Variants in LRBA observed in about 807,000 individuals in gnomAD.
LRBA encodes lipopolysaccharide-responsive and beige-like anchor protein.
LRBA carries 176 observed loss-of-function variants against 330.0 expected under a neutral mutation model. That is an observed-to-expected ratio of 0.53 (90% CI 0.47 to 0.60). LRBA has a LOEUF of 0.60. Ranked by LOEUF, LRBA falls within the 20% of genes least tolerant of loss-of-function variation. LRBA has a pLI of 0.00. For missense variants in LRBA, 3,259 were observed against 3,444.8 expected (o/e 0.95, Z 1.35); for synonymous variants, 1,230 against 1,193.0 (o/e 1.03, Z -0.64).
In LRBA at chr4:150,661,192, C is replaced by T. The variant is rs557262111; in HGVS notation, c.5921+22359G>A. On this transcript the variant is annotated intron_variant, in intron 37 of 56. Transcript: ENST00000651943. ...GACTATGTAAAAAGCAAACAGAGGC[C>T]AGGCATGGTGGCTCACACCTGTAAT... Among the ~76,000 whole-genome samples, 7 of 150,828 alleles carry T rather than the reference C, an allele frequency of 4.6e-5. No homozygotes were observed. In the East Asian group the frequency reaches 1.4e-3, roughly 30 times the overall value.
chr4:150,811,500 G>GT (rs1334105594), intron 31 of LRBA, among the ~76,000 whole-genome samples: 1 of 151,592 alleles, frequency 6.6e-6, no homozygotes, highest in Non-Finnish European at 1.5e-5. Context: ...GGTTTATTGG[G>GT]TTTTTTGTTT....
At chr4:150,731,329 T>C (rs963337013) in intron 36 of LRBA, among the ~76,000 whole-genome samples, 2 of 152,184 alleles carry the variant, frequency 1.3e-5, no homozygotes, top group African/African-American at 4.8e-5. Context: ...ATTGAAGATA[T>C]ATCTGTACTC....
chr4:150,780,818 G>A (rs1342182123), intron 34 of LRBA, among the ~76,000 whole-genome samples: 2 of 150,738 alleles, frequency 1.3e-5, no homozygotes, highest in Non-Finnish European at 3.0e-5. Context: ...AAGGGGGTGA[G>A]GGGGGGGAAT....
chr4:150,773,492 T>C (rs558797086), intron 34 of LRBA, among the ~76,000 whole-genome samples: 40 of 152,252 alleles, frequency 2.6e-4, no homozygotes, highest in Non-Finnish European at 5.0e-4. Flanking sequence ...CTTATAATAA[T>C]ACACTGTCAT....
At chr4:150,794,976 T>C (rs1740568857) in intron 34 of LRBA, among the ~76,000 whole-genome samples, 1 of 152,136 alleles carries the variant, frequency 6.6e-6, no homozygotes, top group East Asian at 1.9e-4. Context: ...CTACAAAGTC[T>C]ACTACTGAGT....
At chr4:150,315,675 CTA>C (rs774058803) in intron 50 of LRBA, 52 bp from the exon 51 acceptor site, 7 of 1,127,262 alleles carry the variant, frequency 6.2e-6, no homozygotes, top group Non-Finnish European at 7.6e-6. Flanking sequence ...ATATACTAAA[CTA>C]CATAAAAATG....
intron 40 of LRBA, among the ~76,000 whole-genome samples, chr4:150,559,862 A>G (rs1768004747): frequency 4.9e-5 from 1 of 20,368 alleles, no homozygotes; most frequent in Non-Finnish European, 1.0e-4. Flanking sequence ...ATATAATTAT[A>G]TATAATATAT....
intron 17 of LRBA, among the ~76,000 whole-genome samples, chr4:150,880,229 T>C (rs1023428050): frequency 5.9e-5 from 9 of 152,204 alleles, no homozygotes; most frequent in Non-Finnish European, 7.3e-5. Flanking sequence ...CCTTTCACCA[T>C]ACAAAACTTG....
At chr4:150,267,137 A>G (rs1185355528) in intron 56 of LRBA, among the ~76,000 whole-genome samples, 2 of 152,194 alleles carry the variant, frequency 1.3e-5, no homozygotes, top group African/African-American at 4.8e-5. Flanking sequence ...GGGTGGAACA[A>G]CCAGGTGGAA....
At position 150,495,180 on chromosome 4, in the gene LRBA, C is replaced by G. The variant is rs570607392; in HGVS notation, c.6331-4145G>C. 3.3e-5 allele frequency among the ~76,000 whole-genome samples: 5 copies of G among 152,274 alleles called. No individual in the cohort carries two copies. The South Asian group carries it at 1.0e-3, about 32-fold the overall frequency. ...TCCCATTTTCCTCCTCTGTCACAGC[C>G]AATCACTATCACTATCCTTGTTTTT... On this transcript the variant is annotated intron_variant, in intron 40 of 56. Transcript: ENST00000651943.
chr4:150,847,361 G>C (rs2126898316), intron 26 of LRBA, among the ~76,000 whole-genome samples: 1 of 152,070 alleles, frequency 6.6e-6, no homozygotes, highest in East Asian at 1.9e-4. Context: ...AAGTTACTTA[G>C]AATAGCAAGA....
intron 8 of LRBA, among the ~76,000 whole-genome samples, 162 bp downstream of exon 8, chr4:150,915,446 T>C (rs540698471): frequency 1.3e-5 from 2 of 152,264 alleles, no homozygotes; most frequent in East Asian, 1.9e-4. Flanking sequence ...AATATTTCAG[T>C]GACATATTAA....
Position 150,551,428 on chromosome 4 carries a change from T to G in LRBA, c.6330+36620A>C, listed in dbSNP as rs183632878. On this transcript the variant is annotated intron_variant, in intron 40 of 56. Transcript: ENST00000651943. ...GAGTGGTGGCTCACACCTGTAATCT[T>G]AGCATTTTGGGAGGCTGAGGTAGGT... Among the ~76,000 whole-genome samples, 362 of 152,114 alleles carry G rather than the reference T, an allele frequency of 2.4e-3. 1 individual carries two copies. The highest frequency in any genetic ancestry group is 8.3e-3 in the African/African-American group (343 of 41,502).
chr4:150,610,909 A>C (rs1775193128), intron 37 of LRBA, among the ~76,000 whole-genome samples: 1 of 152,292 alleles, frequency 6.6e-6, no homozygotes, highest in East Asian at 1.9e-4. Context: ...CCAATGAAAC[A>C]ATCAGTAATT....
intron 2 of LRBA, among the ~76,000 whole-genome samples, chr4:150,985,591 C>T (rs149367054): frequency 0.064 from 9,653 of 151,638 alleles, 462 homozygotes; most frequent in East Asian, 0.19. Context: ...TTCCGCCTCC[C>T]GGGTTCACGC....
chr4:150,421,961 C>T (rs181516348), intron 46 of LRBA, among the ~76,000 whole-genome samples: 1 of 152,240 alleles, frequency 6.6e-6, no homozygotes, highest in East Asian at 1.9e-4. Flanking sequence ...AGAACAAAAA[C>T]AAAACACAGG....
rs141442145 is a variant in LRBA, at chr4:150,852,287, G to A, written c.3423C>T (p.Ala1141=). 249 of 1,613,880 alleles carry A rather than the reference G, an allele frequency of 1.5e-4. 2 individuals carry two copies. The highest frequency in any genetic ancestry group is 3.5e-4 in the Admixed American group (21 of 59,992). ...TACCAAACATGTCCAGTTTTTCACC[G>A]GCTTCAGATGCAGCTGGAGACAAAC... ...DNSLSPAASE[A]GEKLDMFGND... The change falls in exon 23 of 57, where the codon GCC becomes GCT. Residue 1141 remains alanine (A), a synonymous_variant. Transcript: ENST00000651943.
chr4:150,350,567 C>A (rs974295989), intron 47 of LRBA, among the ~76,000 whole-genome samples: 71 of 138,394 alleles, frequency 5.1e-4, no homozygotes, highest in South Asian at 7.0e-4. Context: ...AACTCCATCT[C>A]AAAAAAAAAA....
chr4:150,795,103 T>C (rs1173068924), intron 34 of LRBA, among the ~76,000 whole-genome samples: 1 of 152,116 alleles, frequency 6.6e-6, no homozygotes, highest in Non-Finnish European at 1.5e-5. Flanking sequence ...GGTAGTGTTA[T>C]TGGAATGTAT....
Sources: allele counts gnomAD v4.1 joint callset (sites outside exome capture counted in the v4.1 genomes callset), GRCh38; gene constraint gnomAD v4.1.1; transcripts MANE v1.5; gene names NCBI Gene and HGNC (gene_info 2026-07-23, HGNC 2026-07-21).